The following DIAPH3 variants were observed in gnomAD, a reference collection of about 807,000 sequenced individuals.
The protein encoded by DIAPH3 is diaphanous related formin 3.
DIAPH3 carries 117 observed loss-of-function variants against 144.3 expected under a neutral mutation model. That is an observed-to-expected ratio of 0.81 (90% CI 0.70 to 0.95). The LOEUF is 0.95. Ranked by LOEUF, DIAPH3 falls within the 40% of genes least tolerant of loss-of-function variation. The pLI is 0.00. For synonymous variants in DIAPH3, 519 were observed against 488.9 expected, an observed-to-expected ratio of 1.06 and a Z score of -0.81; for missense variants, 1,421 against 1,412.7, an observed-to-expected ratio of 1.01 and a Z score of -0.09.
chr13:59,893,697 A>G (rs1202560720), intron 20 of DIAPH3, among the ~76,000 whole-genome samples: 5 of 152,122 alleles, frequency 3.3e-5, no homozygotes, highest in African/African-American at 2.4e-5. Context: ...TCTATGTTGC[A>G]GATTAGTTTA....
chr13:59,803,683 G>T (rs2040053511), intron 25 of DIAPH3, among the ~76,000 whole-genome samples: 1 of 152,184 alleles, frequency 6.6e-6, no homozygotes, highest in Admixed American at 6.5e-5. Flanking sequence ...ACAAAGGATG[G>T]TGTGTGAGCC....
intron 4 of DIAPH3, among the ~76,000 whole-genome samples, chr13:60,074,297 C>T (rs1418234926): frequency 6.6e-6 from 1 of 152,084 alleles, no homozygotes; most frequent in Non-Finnish European, 1.5e-5. Flanking sequence ...TGCTATAGAC[C>T]TTATCTTATT....
chr13:59,932,489 A>T, intron 17 of DIAPH3, among the ~76,000 whole-genome samples: 1 of 152,044 alleles, frequency 6.6e-6, no homozygotes, highest in Non-Finnish European at 1.5e-5. Flanking sequence ...CCTGACTTGG[A>T]CTCCAATATT....
chr13:59,987,117 C>T (rs1355476843), intron 12 of DIAPH3, among the ~76,000 whole-genome samples: 1 of 151,806 alleles, frequency 6.6e-6, no homozygotes, highest in Non-Finnish European at 1.5e-5. Flanking sequence ...AAATGTGGCA[C>T]ATATACACCA....
chr13:59,947,520 G>T (rs1171135024), intron 17 of DIAPH3, among the ~76,000 whole-genome samples: 1 of 152,116 alleles, frequency 6.6e-6, no homozygotes, highest in East Asian at 1.9e-4. Context: ...TTTAAAGACA[G>T]AAAAGCAGGA....
intron 2 of DIAPH3, among the ~76,000 whole-genome samples, chr13:60,128,237 A>T (rs979000616): frequency 6.6e-6 from 1 of 152,080 alleles, no homozygotes; most frequent in South Asian, 2.1e-4. Context: ...AAAGGACATG[A>T]TCTTGTTCTT....
At chr13:60,012,546 A>G (rs899103251) in intron 7 of DIAPH3, among the ~76,000 whole-genome samples, 1 of 152,234 alleles carries the variant, frequency 6.6e-6, no homozygotes, top group African/African-American at 2.4e-5. Flanking sequence ...AAGTCAGTCA[A>G]TGATTACCAA....
chr13:59,685,857 A>G (rs1021254028), intron 27 of DIAPH3, among the ~76,000 whole-genome samples: 6 of 152,108 alleles, frequency 3.9e-5, no homozygotes, highest in Admixed American at 3.3e-4. Context: ...TTGATCATAA[A>G]TCTTGTTTTC....
intron 27 of DIAPH3, among the ~76,000 whole-genome samples, chr13:59,768,303 T>C (rs1459576509): frequency 1.3e-5 from 2 of 152,140 alleles, no homozygotes; most frequent in African/African-American, 4.8e-5. Context: ...AATAGGCCAA[T>C]GACATTTAGA....
At chr13:59,836,295 T>C (rs1327289143) in intron 23 of DIAPH3, among the ~76,000 whole-genome samples, 3 of 151,828 alleles carry the variant, frequency 2.0e-5, no homozygotes, top group African/African-American at 4.8e-5. Context: ...TTCTTAATTT[T>C]CTCACCGATA....
At chr13:60,001,124 C>A (rs555800493) in intron 9 of DIAPH3, among the ~76,000 whole-genome samples, 5 of 152,188 alleles carry the variant, frequency 3.3e-5, no homozygotes, top group Non-Finnish European at 7.3e-5. Context: ...AACAGCATAT[C>A]TCTCCAGAGC....
chr13:59,678,587 A>G (rs755495496), intron 27 of DIAPH3, among the ~76,000 whole-genome samples: 1 of 152,200 alleles, frequency 6.6e-6, no homozygotes, highest in Non-Finnish European at 1.5e-5. Flanking sequence ...AAAATCCAGC[A>G]AACACCGTGA....
At chr13:59,954,696 AG>A (rs1157648190) in intron 17 of DIAPH3, among the ~76,000 whole-genome samples, 30 of 152,256 alleles carry the variant, frequency 2.0e-4, no homozygotes, top group Admixed American at 1.8e-3. Flanking sequence ...GGCTGTAGAG[AG>A]GGCATGACTG....
chr13:60,011,672 T>C (rs930192442), intron 7 of DIAPH3, among the ~76,000 whole-genome samples: 2 of 152,248 alleles, frequency 1.3e-5, no homozygotes, highest in Middle Eastern at 3.4e-3. Context: ...TATTACAAAA[T>C]ACAGGCCTAG....
chr13:60,088,546 G>A (rs537309753), intron 4 of DIAPH3, among the ~76,000 whole-genome samples: 2 of 152,176 alleles, frequency 1.3e-5, no homozygotes, highest in East Asian at 3.9e-4. Context: ...AGATTACCCG[G>A]ACAAACCTGA....
At chr13:59,879,724 A>C (rs142390990) in intron 20 of DIAPH3, among the ~76,000 whole-genome samples, 172 of 152,320 alleles carry the variant, frequency 1.1e-3, no homozygotes, top group African/African-American at 3.9e-3. Context: ...TGTTTAATTA[A>C]GCAATAAAGT....
At chr13:59,773,174 A>G (rs1306753857) in intron 27 of DIAPH3, among the ~76,000 whole-genome samples, 1 of 152,190 alleles carries the variant, frequency 6.6e-6, no homozygotes, top group Non-Finnish European at 1.5e-5. Context: ...AAAAAGACCT[A>G]TTTAAGAGAC....
intron 27 of DIAPH3, among the ~76,000 whole-genome samples, chr13:59,684,988 A>G (rs1348343454): frequency 6.6e-6 from 1 of 152,142 alleles, no homozygotes; most frequent in Non-Finnish European, 1.5e-5. Context: ...TGTAATACAT[A>G]TGAATTACAG....
At chr13:60,110,187 A>C (rs150873562) in intron 3 of DIAPH3, among the ~76,000 whole-genome samples, 2 of 152,234 alleles carry the variant, frequency 1.3e-5, no homozygotes, top group African/African-American at 2.4e-5. Context: ...TCATGTAAAA[A>C]TTACTAAATA....
Sources: gnomAD v4.1 joint callset for allele counts (sites outside exome capture counted in the v4.1 genomes callset) on GRCh38, gnomAD v4.1.1 for gene constraint, MANE v1.5 for transcripts, NCBI Gene and HGNC (gene_info 2026-07-23, HGNC 2026-07-21) for gene names.